Variants in WWOX observed in about 807,000 individuals in gnomAD.
The protein encoded by WWOX is WW domain containing oxidoreductase.
Under a neutral mutation model 46.2 loss-of-function variants are expected in WWOX, and 69 were observed. That is an observed-to-expected ratio of 1.49 (90% CI 1.23 to 1.82). The LOEUF is 1.82. Ranked by LOEUF, WWOX falls within the 40% of genes most tolerant of loss-of-function variation. The pLI, the probability that WWOX is intolerant of heterozygous loss-of-function variation, is 0.00. For missense variants in WWOX, 919 were observed against 542.6 expected, an observed-to-expected ratio of 1.69 and a Z score of -6.89; for synonymous variants, 359 against 202.6, an observed-to-expected ratio of 1.77 and a Z score of -6.56.
At chr16:78,374,113 A>G (rs2081759962) in intron 5 of WWOX, among the ~76,000 whole-genome samples, 1 of 152,090 alleles carries the variant, frequency 6.6e-6, no homozygotes, top group Admixed American at 6.5e-5. Context: ...AATTGATAGA[A>G]TTTCTTTTTA....
intron 8 of WWOX, among the ~76,000 whole-genome samples, chr16:79,181,473 T>C (rs1032079850): frequency 6.6e-6 from 1 of 152,212 alleles, no homozygotes. Flanking sequence ...GAGTCAAAGG[T>C]CAGGTGACAT....
chr16:78,758,386 G>A (rs969899265), intron 8 of WWOX, among the ~76,000 whole-genome samples: 2 of 152,122 alleles, frequency 1.3e-5, no homozygotes, highest in Non-Finnish European at 2.9e-5. Flanking sequence ...CAAGACAAAG[G>A]GAATAATAAC....
intron 8 of WWOX, among the ~76,000 whole-genome samples, chr16:78,516,437 A>G (rs1020772443): frequency 6.6e-5 from 10 of 152,230 alleles, no homozygotes; most frequent in South Asian, 4.1e-4. Flanking sequence ...TGGTAGCTAG[A>G]TTTCTATTCA....
intron 8 of WWOX, among the ~76,000 whole-genome samples, chr16:79,196,949 C>T (rs2150821015): frequency 1.3e-5 from 2 of 152,294 alleles, no homozygotes; most frequent in South Asian, 4.1e-4. Flanking sequence ...TCAGTCTCCT[C>T]ATCTCTGAAA....
intron 8 of WWOX, among the ~76,000 whole-genome samples, chr16:79,023,695 A>G (rs1222274902): frequency 6.6e-6 from 1 of 151,618 alleles, no homozygotes; most frequent in Non-Finnish European, 1.5e-5. Context: ...TGAGGCAGGT[A>G]GATCACCTGA....
intron 8 of WWOX, among the ~76,000 whole-genome samples, chr16:78,724,549 G>A (rs562651190): frequency 6.6e-6 from 1 of 152,254 alleles, no homozygotes; most frequent in South Asian, 2.1e-4. Flanking sequence ...ATTATTTACA[G>A]TCCTTATGTT....
intron 8 of WWOX, among the ~76,000 whole-genome samples, chr16:78,923,839 G>T (rs1339342171): frequency 1.8e-5 from 2 of 109,350 alleles, no homozygotes; most frequent in African/African-American, 3.6e-5. Flanking sequence ...TTGCTCTGTT[G>T]CCCAGGCTGG....
intron 5 of WWOX, among the ~76,000 whole-genome samples, chr16:78,214,527 C>T (rs1447529034): frequency 6.6e-6 from 1 of 152,158 alleles, no homozygotes; most frequent in Non-Finnish European, 1.5e-5. Flanking sequence ...CTTCCTGGAC[C>T]TCAGCCCTCA....
intron 8 of WWOX, among the ~76,000 whole-genome samples, chr16:78,887,686 C>T (rs999484264): frequency 6.6e-6 from 1 of 152,094 alleles, no homozygotes; most frequent in Non-Finnish European, 1.5e-5. Flanking sequence ...TGAATTCCCC[C>T]AGGTCTTTTA....
intron 8 of WWOX, among the ~76,000 whole-genome samples, chr16:78,751,816 G>A (rs2049487781): frequency 6.6e-6 from 1 of 151,572 alleles, no homozygotes. Flanking sequence ...GAAGAGAAAG[G>A]ATTTTCTAGA....
rs907974232 is a variant in WWOX, at chr16:79,059,718, G to A, written c.1057-151890G>A. Among the ~76,000 whole-genome samples the A allele has an allele frequency of 9.2e-5, 14 of 152,020 alleles. No individual in the cohort carries two copies. In the South Asian group the frequency reaches 1.0e-3, roughly 11 times the overall value. Reference sequence around the variant, plus strand: ...ACTATGTTGGCCAGGCATCTCAATCGTTTTACTAAGAAATTTGGAGGCCTT... The same window carrying A: ...ACTATGTTGGCCAGGCATCTCAATCATTTTACTAAGAAATTTGGAGGCCTT... On this transcript the variant is annotated intron_variant, in intron 8 of 8. Coordinates refer to ENST00000566780, the MANE Select transcript of WWOX (RefSeq NM_016373.4).
chr16:78,892,670 A>T (rs952190842), intron 8 of WWOX, among the ~76,000 whole-genome samples: 1 of 152,234 alleles, frequency 6.6e-6, no homozygotes, highest in Non-Finnish European at 1.5e-5. Flanking sequence ...TTAGGCCAGC[A>T]TTGGGCTAGG....
intron 8 of WWOX, among the ~76,000 whole-genome samples, chr16:79,185,461 T>G (rs934224681): frequency 2.6e-5 from 4 of 151,478 alleles, no homozygotes; most frequent in African/African-American, 9.7e-5. Flanking sequence ...ACAATTACTT[T>G]TGGACATATT....
Position 79,031,905 on chromosome 16 carries a change from T to TACAG in WWOX, c.1057-179702_1057-179701insCAGA, listed in dbSNP as rs1567501240. Among the ~76,000 whole-genome samples, 454 of 51,222 alleles carry TACAG rather than the reference T, an allele frequency of 8.9e-3. 3 individuals carry two copies. The highest frequency in any genetic ancestry group is 0.018 in the African/African-American group (430 of 23,556). The allele number at this position is 51,222 out of a possible 152,430, so 33.6% of individuals were successfully genotyped here. On this transcript the variant is annotated intron_variant, in intron 8 of 8. Transcript: ENST00000566780. ...AGATATCTGTATACAGATATCTATA[T>TACAG]ATATAGATATCTATATATATAGATA...
chr16:78,613,763 C>G (rs879359295), intron 8 of WWOX, among the ~76,000 whole-genome samples: 7 of 152,128 alleles, frequency 4.6e-5, no homozygotes, highest in Non-Finnish European at 1.0e-4. Context: ...GGAACAAGAT[C>G]CCAACCCCTT....
intron 5 of WWOX, among the ~76,000 whole-genome samples, chr16:78,236,339 A>C (rs2037436967): frequency 6.6e-6 from 1 of 152,158 alleles, no homozygotes; most frequent in South Asian, 2.1e-4. Flanking sequence ...GGATGGTGGG[A>C]GATAGTTTGA....
chr16:78,759,644 A>C (rs562349543), intron 8 of WWOX, among the ~76,000 whole-genome samples: 1 of 152,298 alleles, frequency 6.6e-6, no homozygotes, highest in Admixed American at 6.5e-5. Context: ...GCATGCCTAC[A>C]ATCATCCATT....
At chr16:78,607,168 CAATA>C (rs1455729425) in intron 8 of WWOX, among the ~76,000 whole-genome samples, 1 of 151,852 alleles carries the variant, frequency 6.6e-6, no homozygotes, top group Non-Finnish European at 1.5e-5. Context: ...ACAGAAAACA[CAATA>C]AATACACAGT....
At chr16:78,716,780 G>C (rs907041738) in intron 8 of WWOX, among the ~76,000 whole-genome samples, 1 of 152,084 alleles carries the variant, frequency 6.6e-6, no homozygotes, top group Admixed American at 6.5e-5. Context: ...TTATAGTCCT[G>C]GAGAAACGTG....
Sources: allele counts gnomAD v4.1 joint callset (sites outside exome capture counted in the v4.1 genomes callset), GRCh38; gene constraint gnomAD v4.1.1; transcripts MANE v1.5; gene names NCBI Gene and HGNC (gene_info 2026-07-23, HGNC 2026-07-21).